The following PALLD variants were observed in gnomAD, a reference collection of about 807,000 sequenced individuals.
The protein encoded by PALLD is palladin.
In PALLD, 61 loss-of-function variants were observed where a neutral mutation model predicts 123.5. The observed-to-expected ratio is 0.49, with a 90% CI of 0.40 to 0.61. PALLD has a LOEUF of 0.61. Ranked by LOEUF, PALLD falls within the 20% of genes least tolerant of loss-of-function variation. The pLI, the probability that PALLD is intolerant of heterozygous loss-of-function variation, is 0.00. For missense variants in PALLD, 1,273 were observed against 1,377.0 expected, an observed-to-expected ratio of 0.92 and a Z score of 1.20; for synonymous variants, 465 against 496.4, an observed-to-expected ratio of 0.94 and a Z score of 0.84.
intron 10 of PALLD, among the ~76,000 whole-genome samples, chr4:168,853,168 C>A (rs985549176): frequency 2.6e-5 from 4 of 152,230 alleles, no homozygotes; most frequent in Non-Finnish European, 5.9e-5. Context: ...GAGCATCTCA[C>A]AGAGTAACTT....
chr4:168,650,304 C>T (rs182494476), intron 2 of PALLD, among the ~76,000 whole-genome samples: 16 of 152,326 alleles, frequency 1.1e-4, no homozygotes, highest in African/African-American at 3.6e-4. Context: ...CAGCCTCTGT[C>T]CCTCCTCTCA....
At chr4:168,677,673 G>T (rs563849937) in intron 3 of PALLD, among the ~76,000 whole-genome samples, 1 of 151,938 alleles carries the variant, frequency 6.6e-6, no homozygotes, top group Non-Finnish European at 1.5e-5. Flanking sequence ...ATGGTCTCCC[G>T]GGTCACCCCC....
intron 2 of PALLD, among the ~76,000 whole-genome samples, chr4:168,646,971 A>G (rs1054146776): frequency 2.0e-5 from 3 of 152,258 alleles, no homozygotes; most frequent in Non-Finnish European, 4.4e-5. Context: ...TTTATAACAC[A>G]TACAACCAAT....
chr4:168,687,497 G>A (rs1782187326), intron 6 of PALLD, among the ~76,000 whole-genome samples: 1 of 152,192 alleles, frequency 6.6e-6, no homozygotes, highest in African/African-American at 2.4e-5. Context: ...GTTGTCCAAT[G>A]TATTGGTATC....
chr4:168,854,211 T>G (rs913570145), intron 10 of PALLD, among the ~76,000 whole-genome samples: 3 of 152,144 alleles, frequency 2.0e-5, no homozygotes, highest in African/African-American at 7.2e-5. Flanking sequence ...ATGCTGTATC[T>G]AAGATAATAC....
At chr4:168,877,676 C>A in intron 10 of PALLD, 2 of 994,338 alleles carry the variant, frequency 2.0e-6, no homozygotes, top group Non-Finnish European at 2.5e-6. Context: ...AATACACGTT[C>A]CTGGCCGTTC....
chr4:168,843,095 C>T (rs543587672), intron 10 of PALLD, among the ~76,000 whole-genome samples: 1 of 152,114 alleles, frequency 6.6e-6, no homozygotes, highest in African/African-American at 2.4e-5. Context: ...TGTGGTTTTG[C>T]CAGAAAGGAA....
intron 2 of PALLD, among the ~76,000 whole-genome samples, chr4:168,513,084 C>A (rs989202149): frequency 1.3e-5 from 2 of 150,354 alleles, no homozygotes; most frequent in Admixed American, 1.3e-4. Context: ...AAAAAAGATT[C>A]TCATATACAA....
chr4:168,810,762 T>C (rs1263895835), intron 10 of PALLD, among the ~76,000 whole-genome samples: 1 of 149,552 alleles, frequency 6.7e-6, no homozygotes, highest in African/African-American at 2.5e-5. Flanking sequence ...GAGCCGAGAT[T>C]GCGCCACTGC....
intron 10 of PALLD, among the ~76,000 whole-genome samples, chr4:168,735,776 T>A (rs1351628953): frequency 2.6e-5 from 4 of 152,180 alleles, no homozygotes; most frequent in African/African-American, 9.7e-5. Context: ...AGCTTTGGGT[T>A]TTCGTCTTTG....
chr4:168,722,213 T>A (rs1410045938), intron 10 of PALLD, among the ~76,000 whole-genome samples: 2 of 152,096 alleles, frequency 1.3e-5, no homozygotes, highest in African/African-American at 4.8e-5. Context: ...CCCAGCTATT[T>A]TTTTTATTTT....
chr4:168,713,640 T>C lies in PALLD; in HGVS notation c.1964+1717T>C, dbSNP rs138485874. ...GTTAATGTATATGGCAAGGGGGTAA[T>C]ATCTACAGAATGTAGACAAAACAAC... On this transcript the variant is annotated intron_variant, in intron 10 of 21. Transcript: ENST00000505667. Among the ~76,000 whole-genome samples the C allele has an allele frequency of 2.6e-5, 4 of 152,272 alleles. No homozygotes were observed. The East Asian group carries it at 7.7e-4, about 29-fold the overall frequency.
At chr4:168,916,608 A>G (rs1760155110) in intron 17 of PALLD, among the ~76,000 whole-genome samples, 1 of 151,808 alleles carries the variant, frequency 6.6e-6, no homozygotes, top group East Asian at 1.9e-4. Context: ...TAAATCTACC[A>G]TGTCTTCATT....
At chr4:168,733,895 T>TC (rs1787444494) in intron 10 of PALLD, among the ~76,000 whole-genome samples, 1 of 151,966 alleles carries the variant, frequency 6.6e-6, no homozygotes, top group Admixed American at 6.6e-5. Flanking sequence ...CCACCGCACC[T>TC]GGCTAATTTT....
At chr4:168,667,899 ACT>A (rs1021770785) in intron 2 of PALLD, among the ~76,000 whole-genome samples, 2 of 151,496 alleles carry the variant, frequency 1.3e-5, no homozygotes, top group Non-Finnish European at 2.9e-5. Flanking sequence ...TTTATAAGAC[ACT>A]GAGTTTCTGT....
At chr4:168,884,619 A>T (rs1753086024) in intron 10 of PALLD, among the ~76,000 whole-genome samples, 1 of 152,178 alleles carries the variant, frequency 6.6e-6, no homozygotes, top group Non-Finnish European at 1.5e-5. Flanking sequence ...TATCCACCAT[A>T]AAAATACAAT....
At chr4:168,630,916 G>A (rs1775738483) in intron 2 of PALLD, among the ~76,000 whole-genome samples, 1 of 152,234 alleles carries the variant, frequency 6.6e-6, no homozygotes, top group Admixed American at 6.5e-5. Flanking sequence ...ATCCGTCTGT[G>A]TGGTAACTGA....
chr4:168,877,626 T>A, intron 10 of PALLD: 1 of 550,466 alleles, frequency 1.8e-6, no homozygotes, highest in Non-Finnish European at 2.4e-6. Flanking sequence ...GCAGCTGGCC[T>A]AAGTGCCAAG....
chr4:168,513,781 G>C (rs1450410516), intron 2 of PALLD, among the ~76,000 whole-genome samples: 1 of 152,122 alleles, frequency 6.6e-6, no homozygotes, highest in Non-Finnish European at 1.5e-5. Context: ...CATGCAGAAT[G>C]CTTTACCTAA....
Sources: allele counts gnomAD v4.1 joint callset (sites outside exome capture counted in the v4.1 genomes callset), GRCh38; gene constraint gnomAD v4.1.1; transcripts MANE v1.5; gene names NCBI Gene and HGNC (gene_info 2026-07-23, HGNC 2026-07-21).